The following REV3L variants were observed in gnomAD, a reference collection of about 807,000 sequenced individuals.
REV3L encodes the protein DNA polymerase zeta catalytic subunit.
Under a neutral mutation model 299.4 loss-of-function variants are expected in REV3L, and 69 were observed. That is an observed-to-expected ratio of 0.23 (90% CI 0.19 to 0.28). The LOEUF (loss-of-function observed/expected upper bound fraction) is 0.28. Among genes scored for constraint, REV3L ranks in the 10% least tolerant of loss-of-function variants. The pLI, the probability that REV3L is intolerant of heterozygous loss-of-function variation, is 1.00. For synonymous variants in REV3L, 1,238 were observed against 1,271.4 expected (o/e 0.97, Z 0.56); for missense variants, 3,128 against 3,693.8 (o/e 0.85, Z 3.97).
intron 1 of REV3L, among the ~76,000 whole-genome samples, chr6:111,464,742 C>T (rs1408553962): frequency 1.3e-5 from 2 of 152,192 alleles, no homozygotes; most frequent in East Asian, 3.9e-4. Flanking sequence ...TTGCTCACGC[C>T]TGTAATCCTT....
In REV3L at chr6:111,373,822, A is replaced by G; in HGVS notation, c.4533T>C (p.Asn1511=). 6.2e-7 allele frequency: 1 copy of G among 1,614,094 alleles called. No individual in the cohort carries two copies. Among genetic ancestry groups the G allele is most frequent in the South Asian group, 1.1e-5 (1 of 91,072 alleles). ...ATGCTGAAGGTGTTGACACATTTCG[A>G]TTTTTACACTGAGAAAGTGCTTTGG... ...SQTKALSQCK[N]RNVSTPSAFG... The change falls in exon 13 of 32, where the codon AAT becomes AAC. Residue 1511 remains asparagine (N), a synonymous_variant. Coordinates refer to ENST00000368802, the MANE Select transcript of REV3L (RefSeq NM_001372078.1).
At chr6:111,430,643 G>A (rs1184663892) in intron 1 of REV3L, 7 of 1,521,186 alleles carry the variant, frequency 4.6e-6, no homozygotes, top group African/African-American at 1.4e-5. Flanking sequence ...GCTGCTGGCC[G>A]AGAAGAGAGA....
chr6:111,372,050 T>C (rs1237937981), intron 13 of REV3L, among the ~76,000 whole-genome samples: 2 of 152,136 alleles, frequency 1.3e-5, no homozygotes, highest in Non-Finnish European at 2.9e-5. Flanking sequence ...TGCTAATAAC[T>C]GCATAAACTA....
rs1312649201 is a variant in REV3L at position 111,379,868 on chromosome 6, A to T, written c.1454+114T>A. The T allele has an allele frequency of 4.1e-6, 3 of 725,668 alleles. No homozygotes were observed. In the Admixed American group the frequency reaches 7.1e-5, roughly 17 times the overall value. 45.0% of individuals were successfully genotyped at this position (725,668 alleles called of 1,614,324 possible). A position where few individuals can be genotyped will look rare whatever the true frequency, so the allele number is the denominator to read the frequency against. On this transcript the variant is annotated intron_variant, in intron 11 of 31. Transcript: ENST00000368802. ...GATCACTAAAGGGGAATTTTAAAAC[A>T]TCAATTTAGTTCATAAGGTATTTTA...
At chr6:111,436,667 G>A (rs1238700558) in intron 1 of REV3L, among the ~76,000 whole-genome samples, 1 of 151,988 alleles carries the variant, frequency 6.6e-6, no homozygotes, top group Non-Finnish European at 1.5e-5. Context: ...TTGATTAAGG[G>A]GTACAAATAT....
At chr6:111,465,757 A>AAAAAC (rs1791405768) in intron 1 of REV3L, among the ~76,000 whole-genome samples, 1 of 121,288 alleles carries the variant, frequency 8.2e-6, no homozygotes. Context: ...AAAAAAAAAA[A>AAAAAC]AAAAAAAAAC....
intron 21 of REV3L, among the ~76,000 whole-genome samples, chr6:111,342,882 G>C (rs1221171795): frequency 6.6e-6 from 1 of 152,038 alleles, no homozygotes; most frequent in East Asian, 1.9e-4. Flanking sequence ...GGCTGGAAGG[G>C]AACAAAATCT....
At chr6:111,394,659 C>A (rs967199362) in intron 4 of REV3L, among the ~76,000 whole-genome samples, 1 of 151,848 alleles carries the variant, frequency 6.6e-6, no homozygotes, top group African/African-American at 2.4e-5. Context: ...GAAGTCTTAG[C>A]CATAAAATTT....
rs1033554338 is a variant in REV3L at position 111,380,907 on chromosome 6, G to A, written c.1216+418C>T. ...GGGAGGCCACTGAAGGACTGGTTGA[G>A]TGCAGCCCTGGCCAGTGAGATGAGG... is the stretch of plus-strand genomic sequence containing the variant. On this transcript the variant is annotated intron_variant, in intron 10 of 31. Transcript: ENST00000368802. Among the ~76,000 whole-genome samples, 4 of 152,204 alleles carry A rather than the reference G, an allele frequency of 2.6e-5. No homozygotes were observed. The South Asian group carries it at 8.3e-4, about 32-fold the overall frequency.
In REV3L at chr6:111,374,727, C is replaced by T. The variant is rs775920711; in HGVS notation, c.3628G>A (p.Ala1210Thr). Residue 1210 changes from alanine (A) to threonine (T), a missense_variant, in exon 13 of 32, where the codon GCA becomes ACA. Physicochemically the swap from Ala to Thr is moderately conservative, Grantham distance 58. Around this residue, in one of 9 missense-constraint regions of REV3L, gnomAD observed 2,409 missense variants for 2,611.8 expected, o/e 0.92. Transcript: ENST00000368802. ...CCTTTCTCATTTGTTTTTTGTTTTG[C>T]TCTTGGTTTCTTTTTTCCATCATCT... ...LVDDGKKKPR[A>T]KQKTNEKGTS... 64 of 1,612,548 alleles carry T rather than the reference C, an allele frequency of 4.0e-5. No individual in the cohort carries two copies. In the South Asian group the frequency reaches 6.5e-4, roughly 16 times the overall value.
intron 15 of REV3L, 147 bp from the exon 16 acceptor site, chr6:111,364,125 G>T (rs925738088): frequency 2.7e-6 from 3 of 1,116,194 alleles, no homozygotes; most frequent in African/African-American, 3.2e-5. Context: ...AGAACAAACT[G>T]TATTTTATTA....
intron 1 of REV3L, among the ~76,000 whole-genome samples, chr6:111,467,601 C>T (rs550320413): frequency 3.3e-5 from 5 of 152,208 alleles, no homozygotes; most frequent in African/African-American, 7.2e-5. Context: ...GTACTGAATG[C>T]GTACAAACTT....
intron 31 of REV3L, among the ~76,000 whole-genome samples, chr6:111,301,743 A>C (rs1306499225): frequency 1.3e-5 from 2 of 152,232 alleles, no homozygotes; most frequent in Non-Finnish European, 2.9e-5. Context: ...GCAATTTTTA[A>C]AAAGAGAAGC....
At chr6:111,451,190 G>C (rs1029252097) in intron 1 of REV3L, among the ~76,000 whole-genome samples, 2 of 152,156 alleles carry the variant, frequency 1.3e-5, no homozygotes, top group Non-Finnish European at 2.9e-5. Context: ...AGGGAGGAAA[G>C]CCAGAGCAGA....
chr6:111,474,919 G>A (rs1283835120), intron 1 of REV3L, among the ~76,000 whole-genome samples: 2 of 151,034 alleles, frequency 1.3e-5, no homozygotes, highest in Non-Finnish European at 2.9e-5. Context: ...TCTACACACT[G>A]GAGCAATTAC....
At chr6:111,347,154 A>G (rs1033826120) in intron 20 of REV3L, among the ~76,000 whole-genome samples, 3 of 151,954 alleles carry the variant, frequency 2.0e-5, no homozygotes, top group Non-Finnish European at 4.4e-5. Flanking sequence ...CTGTCATCCT[A>G]CCTACTCAGG....
chr6:111,406,128 G>A (rs1378244477), intron 3 of REV3L, among the ~76,000 whole-genome samples: 2 of 152,008 alleles, frequency 1.3e-5, no homozygotes, highest in African/African-American at 4.8e-5. Context: ...TAAACATCTA[G>A]AAAAGATACT....
intron 21 of REV3L, among the ~76,000 whole-genome samples, chr6:111,340,501 A>AT (rs1776369767): frequency 6.6e-6 from 1 of 152,134 alleles, no homozygotes; most frequent in African/African-American, 2.4e-5. Flanking sequence ...ATCTGGGTTT[A>AT]TTAAAAAAAA....
At chr6:111,398,593 T>G (rs374620617) in intron 4 of REV3L, among the ~76,000 whole-genome samples, 1 of 147,506 alleles carries the variant, frequency 6.8e-6, no homozygotes, top group Non-Finnish European at 1.5e-5. Context: ...ATCATTTTCA[T>G]TTTTGAATGT....
Sources: allele counts gnomAD v4.1 joint callset (sites outside exome capture counted in the v4.1 genomes callset), GRCh38; gene constraint gnomAD v4.1.1; regional missense constraint gnomAD v4.1.1; transcripts MANE v1.5; gene names NCBI Gene and HGNC (gene_info 2026-07-23, HGNC 2026-07-21).